Variants in OARD1 observed in about 807,000 individuals in gnomAD.
The protein encoded by OARD1 is ADP-ribose glycohydrolase OARD1.
A neutral mutation model predicts 19.7 loss-of-function variants in OARD1; 19 were observed. The observed-to-expected ratio is 0.96, with a 90% CI of 0.67 to 1.41. The LOEUF (loss-of-function observed/expected upper bound fraction) is 1.41. Among genes scored for constraint, OARD1 ranks in the 40% most tolerant of loss-of-function variants. The pLI is 0.00. For synonymous variants in OARD1, 70 were observed against 61.8 expected (o/e 1.13, Z -0.62); for missense variants, 190 against 183.8 (o/e 1.03, Z -0.20).
upstream of OARD1, among the ~76,000 whole-genome samples, chr6:41,074,656 ATAGTT>A (rs1196027468): frequency 6.6e-6 from 1 of 152,226 alleles, no homozygotes; most frequent in Non-Finnish European, 1.5e-5. Context: ...AGTAGTTGTG[ATAGTT>A]TAGGGGGGAA....
At chr6:41,068,057 T>C (rs1763115381) in intron 5 of OARD1, among the ~76,000 whole-genome samples, 1 of 152,122 alleles carries the variant, frequency 6.6e-6, no homozygotes, top group South Asian at 2.1e-4. Context: ...CATGTCATAA[T>C]GTGATAATTA....
intron 1 of OARD1, chr6:41,091,612 A>G: frequency 3.7e-6 from 6 of 1,614,210 alleles, no homozygotes; most frequent in Non-Finnish European, 5.1e-6. Flanking sequence ...GCCAATACCA[A>G]CACAACCAGC....
In OARD1 at chr6:41,071,663, A is replaced by G. The variant is rs1763404916; in HGVS notation, c.-29T>C. 1 of 1,603,258 alleles carries G rather than the reference A, an allele frequency of 6.2e-7. No homozygotes were observed. The highest frequency in any genetic ancestry group is 8.5e-7 in the Non-Finnish European group (1 of 1,170,094). On this transcript the variant is annotated 5_prime_UTR_variant, in exon 2 of 6. Transcript: ENST00000424266. ...ACTGAGTCGCTATTTCCAGAATTTA[A>G]GTGTTTCTTCAGCTATGAGAAGGGA...
At chr6:41,094,580 A>G in intron 1 of OARD1, 2 of 990,498 alleles carry the variant, frequency 2.0e-6, no homozygotes, top group Non-Finnish European at 3.2e-6. Flanking sequence ...TCCTCTTGCT[A>G]TTTTCCTACT....
upstream of OARD1, among the ~76,000 whole-genome samples, chr6:41,073,573 C>G (rs1402638319): frequency 6.6e-6 from 1 of 152,160 alleles, no homozygotes; most frequent in African/African-American, 2.4e-5. Flanking sequence ...CCCCCCGCTC[C>G]CCGCTCCCAG....
chr6:41,070,960 G>C, intron 3 of OARD1, 172 bp downstream of exon 3: 1 of 658,096 alleles, frequency 1.5e-6, no homozygotes, highest in East Asian at 2.7e-5. Flanking sequence ...CTTCACAGGA[G>C]TTGGGTTTTG....
chr6:41,067,476 G>T (rs779579661), intron 5 of OARD1, 39 bp from the exon 6 acceptor site: 15 of 1,380,644 alleles, frequency 1.1e-5, no homozygotes, highest in Non-Finnish European at 1.5e-5. Context: ...GGTAACGAAA[G>T]TATCTAGGAA....
At chr6:41,081,358 C>T (rs924526602) in intron 1 of OARD1, among the ~76,000 whole-genome samples, 9 of 151,966 alleles carry the variant, frequency 5.9e-5, no homozygotes, top group Admixed American at 3.9e-4. Flanking sequence ...GGCATGGTGG[C>T]GGGCACCTGT....
rs1764400236 is a variant in OARD1 at position 41,097,712 on chromosome 6, C to A, written c.-42+1G>T. The stretch of plus-strand genomic sequence containing the variant: ...ACCCCAGCAGTACACAAAGCACTTA[C>A]CTTGACTGGTGAAGTCAGCCAGCCA... On this transcript the variant is annotated splice_donor_variant, in intron 1 of 4. Transcript: ENST00000480585. LOFTEE classifies it low-confidence loss of function (5UTR_SPLICE). The A allele has an allele frequency of 3.7e-6, 1 of 269,564 alleles. No individual in the cohort carries two copies. Among genetic ancestry groups the A allele is most frequent in the African/African-American group, 2.2e-5 (1 of 45,418 alleles). The allele number at this position is 269,564 out of a possible 1,614,324, so 16.7% of individuals were successfully genotyped here.
At chr6:41,071,110 G>T (rs967565774) in intron 3 of OARD1, 22 bp downstream of exon 3, 1 of 1,612,202 alleles carries the variant, frequency 6.2e-7, no homozygotes, top group Admixed American at 1.7e-5. Flanking sequence ...GGCAAACCAG[G>T]TAAGTGGTTT....
intron 1 of OARD1, among the ~76,000 whole-genome samples, chr6:41,096,980 CA>C (rs1229397298): frequency 6.6e-6 from 1 of 152,092 alleles, no homozygotes; most frequent in Non-Finnish European, 1.5e-5. Context: ...AAATGATGAT[CA>C]AAAAACAGTG....
intron 1 of OARD1, among the ~76,000 whole-genome samples, chr6:41,080,275 C>A (rs1212225057): frequency 6.6e-6 from 1 of 151,966 alleles, no homozygotes; most frequent in Non-Finnish European, 1.5e-5. Flanking sequence ...AACAGCAAGA[C>A]CCCATCTCAA....
chr6:41,088,417 C>G (rs1372135102), intron 1 of OARD1, among the ~76,000 whole-genome samples: 1 of 120,036 alleles, frequency 8.3e-6, no homozygotes, highest in East Asian at 2.1e-4. Flanking sequence ...AGCGACACTC[C>G]GTCTCCAAAA....
intron 1 of OARD1, chr6:41,078,975 G>T (rs1763830865): frequency 8.9e-6 from 7 of 787,454 alleles, no homozygotes; most frequent in African/African-American, 1.7e-5. Flanking sequence ...TAATTGTCTG[G>T]TAAGGCCTTT....
At position 41,070,153 on chromosome 6, in the gene OARD1, ATAG is replaced by A. The variant is rs781723192; in HGVS notation, c.185-22_185-20del. 7 of 1,352,590 alleles carry A rather than the reference ATAG, an allele frequency of 5.2e-6. No individual in the cohort carries two copies. The highest frequency in any genetic ancestry group is 7.3e-6 in the Non-Finnish European group (7 of 953,992). 83.8% of individuals were successfully genotyped at this position (1,352,590 alleles called of 1,614,324 possible). On this transcript the variant is annotated intron_variant, in intron 3 of 5. Coordinates refer to ENST00000424266, the MANE Select transcript of OARD1 (RefSeq NM_001329686.2). ...TTCTTTTCTAAGAAAAAGTTATTTAATAGTAGAAATGAAAAAGAAAACCAAACA... is the reference window on the plus strand; with the variant it reads ...TTCTTTTCTAAGAAAAAGTTATTTAATAGAAATGAAAAAGAAAACCAAACA...
intron 1 of OARD1, among the ~76,000 whole-genome samples, chr6:41,093,354 T>A (rs907536334): frequency 6.6e-6 from 1 of 152,228 alleles, no homozygotes; most frequent in African/African-American, 2.4e-5. Context: ...GGTAGCACAT[T>A]TTCACAGTTC....
At chr6:41,081,976 CTG>C (rs1233089055) in intron 1 of OARD1, among the ~76,000 whole-genome samples, 4 of 152,172 alleles carry the variant, frequency 2.6e-5, no homozygotes, top group African/African-American at 9.7e-5. Context: ...CTAGTCTACT[CTG>C]TGTATGTAGG....
At chr6:41,082,426 T>G (rs567408033) in intron 1 of OARD1, among the ~76,000 whole-genome samples, 4 of 152,374 alleles carry the variant, frequency 2.6e-5, no homozygotes, top group Admixed American at 1.3e-4. Flanking sequence ...GGCTTCTTGT[T>G]TGATGCATGT....
intron 1 of OARD1, chr6:41,092,791 G>C: frequency 1.1e-6 from 1 of 932,398 alleles, no homozygotes; most frequent in Non-Finnish European, 1.6e-6. Context: ...ATTTACCCAA[G>C]TACCCTATAA....
Sources: allele counts gnomAD v4.1 joint callset (sites outside exome capture counted in the v4.1 genomes callset), GRCh38; gene constraint gnomAD v4.1.1; transcripts MANE v1.5; gene names NCBI Gene and HGNC (gene_info 2026-07-23, HGNC 2026-07-21).